TNR: variants seen among roughly 807,000 people sequenced by gnomAD.
TNR encodes the protein tenascin-R.
TNR carries 45 observed loss-of-function variants against 150.4 expected under a neutral mutation model. The ratio of observed to expected loss-of-function variants is 0.30; its 90% confidence interval spans 0.24 to 0.38. The LOEUF (loss-of-function observed/expected upper bound fraction) is 0.38. Ranked by LOEUF, TNR falls within the 10% of genes least tolerant of loss-of-function variation. TNR has a pLI of 1.00. For missense variants in TNR, 1,544 were observed against 1,759.1 expected (o/e 0.88, Z 2.19); for synonymous variants, 687 against 678.4 (o/e 1.01, Z -0.20).
At chr1:175,501,858 G>A (rs1482015048) in intron 2 of TNR, among the ~76,000 whole-genome samples, 2 of 152,210 alleles carry the variant, frequency 1.3e-5, no homozygotes, top group African/African-American at 4.8e-5. Context: ...GTGCTAAGGT[G>A]TGGGTCACAG....
intron 1 of TNR, among the ~76,000 whole-genome samples, chr1:175,545,619 T>C (rs1040324426): frequency 3.3e-5 from 5 of 152,218 alleles, no homozygotes; most frequent in Admixed American, 6.5e-5. Flanking sequence ...GCTCACTAAG[T>C]GTCTGGCACT....
At chr1:175,556,469 A>G (rs966947864) in intron 1 of TNR, 2 of 152,226 alleles carry the variant, frequency 1.3e-5, no homozygotes, top group African/African-American at 4.8e-5. Flanking sequence ...CTGTCTCTCT[A>G]AACTCTGTGA....
intron 13 of TNR, among the ~76,000 whole-genome samples, chr1:175,363,350 C>T (rs1336510423): frequency 2.6e-5 from 4 of 152,212 alleles, no homozygotes; most frequent in African/African-American, 7.2e-5. Flanking sequence ...GGTCTTTAGC[C>T]ATCCCTCTGG....
chr1:175,406,139 C>T, intron 3 of TNR, 77 bp downstream of exon 3: 1 of 1,530,180 alleles, frequency 6.5e-7, no homozygotes, highest in Non-Finnish European at 8.8e-7. Context: ...TGCATTGGTC[C>T]TTCTTGTTCA....
intron 1 of TNR, among the ~76,000 whole-genome samples, chr1:175,735,839 C>T (rs549898265): frequency 1.3e-5 from 2 of 152,238 alleles, no homozygotes; most frequent in South Asian, 4.2e-4. Flanking sequence ...GGCTCGGAAA[C>T]CCTCCTTAAG....
chr1:175,599,411 G>A lies in TNR; in HGVS notation c.-164-71042C>T, dbSNP rs1016763255. Among the ~76,000 whole-genome samples, 2 of 152,256 alleles carry A rather than the reference G, an allele frequency of 1.3e-5. No homozygotes were observed. The highest frequency in any genetic ancestry group is 1.9e-4 in the East Asian group (1 of 5,202). ...GGAGGGGCCCGGCGGAGCTGTGTTC[G>A]TGTTGTCATGGCGACGGAAGCAGAC... is the stretch of plus-strand genomic sequence containing the variant. On this transcript the variant is annotated intron_variant, in intron 1 of 22. Transcript: ENST00000367674. This position sits in a 1 kb window ranked among gnomAD's most constrained non-coding sequence, Gnocchi z 4.7.
At chr1:175,598,486 T>A (rs1034532563) in intron 1 of TNR, among the ~76,000 whole-genome samples, 1 of 152,234 alleles carries the variant, frequency 6.6e-6, no homozygotes, top group Non-Finnish European at 1.5e-5. Context: ...AATACAGTTA[T>A]AGTTTTCAGC....
chr1:175,706,379 T>C (rs1054123966), intron 1 of TNR, among the ~76,000 whole-genome samples: 1 of 152,050 alleles, frequency 6.6e-6, no homozygotes, highest in Non-Finnish European at 1.5e-5. Flanking sequence ...TACCCTGAAT[T>C]TGGAGTATTG....
At chr1:175,376,614 T>C (rs1026198085) in intron 9 of TNR, among the ~76,000 whole-genome samples, 7 of 152,158 alleles carry the variant, frequency 4.6e-5, no homozygotes, top group Non-Finnish European at 8.8e-5. Flanking sequence ...GCACAATGTT[T>C]TAGAGCCAGA....
intron 1 of TNR, among the ~76,000 whole-genome samples, chr1:175,626,399 C>T (rs1178144227): frequency 6.6e-6 from 1 of 152,192 alleles, no homozygotes; most frequent in Admixed American, 6.5e-5. Context: ...ACCTCCAGCT[C>T]TCTTTCTGCT....
chr1:175,705,913 G>C (rs1313329968), intron 1 of TNR, among the ~76,000 whole-genome samples: 1 of 152,112 alleles, frequency 6.6e-6, no homozygotes, highest in African/African-American at 2.4e-5. Flanking sequence ...ATTACTTCAA[G>C]GAAGTTCTCA....
At chr1:175,621,758 T>C (rs935027165) in intron 1 of TNR, among the ~76,000 whole-genome samples, 2 of 152,228 alleles carry the variant, frequency 1.3e-5, no homozygotes, top group African/African-American at 4.8e-5. Flanking sequence ...ATCCATCTTA[T>C]ACCTTCTCTA....
chr1:175,532,942 C>A (rs369625958), intron 1 of TNR, among the ~76,000 whole-genome samples: 3 of 152,066 alleles, frequency 2.0e-5, no homozygotes, highest in Non-Finnish European at 2.9e-5. Context: ...ATCATTTCTG[C>A]AAGATTCTAT....
At chr1:175,613,280 A>G (rs899514509) in intron 1 of TNR, among the ~76,000 whole-genome samples, 6 of 152,146 alleles carry the variant, frequency 3.9e-5, no homozygotes, top group African/African-American at 1.2e-4. Flanking sequence ...CAGGGCCCAA[A>G]TCCTTCCCAC....
chr1:175,341,956 G>A (rs1288661701), intron 18 of TNR, among the ~76,000 whole-genome samples: 1 of 152,238 alleles, frequency 6.6e-6, no homozygotes, highest in Non-Finnish European at 1.5e-5. Flanking sequence ...AACAGGACAA[G>A]GTTACCTGCT....
At chr1:175,356,185 G>T (rs1571331634) in intron 16 of TNR, 134 bp downstream of exon 16, 2 of 1,249,276 alleles carry the variant, frequency 1.6e-6, no homozygotes, top group East Asian at 2.4e-5. Context: ...TTGGGCTGTA[G>T]TCAGTCCAAA....
At chr1:175,496,266 C>T (rs1475447948) in intron 2 of TNR, among the ~76,000 whole-genome samples, 3 of 152,160 alleles carry the variant, frequency 2.0e-5, no homozygotes, top group Admixed American at 2.0e-4. Flanking sequence ...ATTCGTCTCA[C>T]TAATTTAAAT....
intron 1 of TNR, among the ~76,000 whole-genome samples, chr1:175,734,188 C>T (rs1407641055): frequency 6.6e-6 from 1 of 152,180 alleles, no homozygotes; most frequent in African/African-American, 2.4e-5. Context: ...ATGAGGGCAA[C>T]CTTGTGCCCC....
chr1:175,696,016 A>ATGGATGGATG lies in TNR; in HGVS notation c.-165+47209_-165+47210insCATCCATCCA, dbSNP rs1314553420. Among the ~76,000 whole-genome samples the ATGGATGGATG allele has an allele frequency of 6.4e-4, 42 of 65,290 alleles. No homozygotes were observed. The East Asian group carries it at 9.1e-3, about 14-fold the overall frequency. The allele number at this position is 65,290 out of a possible 152,430, so 42.8% of individuals were successfully genotyped here. A position where few individuals can be genotyped will look rare whatever the true frequency, so the allele number is the denominator to read the frequency against. On this transcript the variant is annotated intron_variant, in intron 1 of 22. Transcript: ENST00000367674. ...TGGATGGATGGATGGATGGATGGAC[A>ATGGATGGATG]GATAGATTAATATTAGCCAATATGT...
Sources: allele counts gnomAD v4.1 joint callset (sites outside exome capture counted in the v4.1 genomes callset), GRCh38; gene constraint gnomAD v4.1.1; non-coding constraint Gnocchi (gnomAD v3.1); transcripts MANE v1.5; gene names NCBI Gene and HGNC (gene_info 2026-07-23, HGNC 2026-07-21).